Variants in TPD52 observed in about 807,000 individuals in gnomAD.
TPD52 encodes tumor protein D52.
Under a neutral mutation model 31.3 loss-of-function variants are expected in TPD52, and 17 were observed. The observed-to-expected ratio is 0.54, with a 90% confidence interval of 0.37 to 0.82. The LOEUF (loss-of-function observed/expected upper bound fraction) is 0.82. TPD52 is among the 40% of genes least tolerant of loss of function. The pLI, the probability that TPD52 is intolerant of heterozygous loss-of-function variation, is 0.00. For synonymous variants in TPD52, 83 were observed against 89.6 expected, an observed-to-expected ratio of 0.93 and a Z score of 0.42; for missense variants, 212 against 240.1, an observed-to-expected ratio of 0.88 and a Z score of 0.77.
chr8:80,058,696 G>T (rs1241157672), intron 2 of TPD52, among the ~76,000 whole-genome samples: 1 of 152,168 alleles, frequency 6.6e-6, no homozygotes, highest in African/African-American at 2.4e-5. Flanking sequence ...TACTCAGGAG[G>T]CTGAGGCAGG....
intron 1 of TPD52, among the ~76,000 whole-genome samples, chr8:80,124,530 G>A (rs1190308997): frequency 2.6e-5 from 4 of 152,128 alleles, no homozygotes; most frequent in African/African-American, 9.7e-5. Context: ...CATCAGTAGT[G>A]TGTATACGTA....
chr8:80,104,364 T>C (rs1806949963), intron 1 of TPD52, among the ~76,000 whole-genome samples: 1 of 152,202 alleles, frequency 6.6e-6, no homozygotes, highest in Non-Finnish European at 1.5e-5. Context: ...AAAAGCAATT[T>C]AGAATTTTAG....
chr8:80,079,210 G>A (rs1435972647), intron 1 of TPD52, among the ~76,000 whole-genome samples: 4 of 152,180 alleles, frequency 2.6e-5, no homozygotes, highest in African/African-American at 4.8e-5. Context: ...GTCTGAGGGG[G>A]GCCACTTGGG....
rs551561650 is a variant in TPD52 at position 80,150,118 on chromosome 8, C to T, written c.19+21307G>A. Among the ~76,000 whole-genome samples the T allele has an allele frequency of 2.6e-4, 40 of 152,318 alleles. No individual in the cohort carries two copies. The South Asian group carries it at 7.9e-3, about 30-fold the overall frequency. On this transcript the variant is annotated intron_variant, in intron 1 of 7. Coordinates refer to ENST00000518937, the MANE Select transcript of TPD52 (RefSeq NM_001025253.3). Reference sequence around the variant, plus strand: ...TGTGTGCAGCCTAGGGACTTGGTGTCCTGTGTCCCAGCTTCTCCAGTCATG... The same window carrying T: ...TGTGTGCAGCCTAGGGACTTGGTGTTCTGTGTCCCAGCTTCTCCAGTCATG...
At chr8:80,042,331 G>A (rs892098590) in intron 7 of TPD52, 19 of 985,296 alleles carry the variant, frequency 1.9e-5, no homozygotes, top group African/African-American at 1.0e-4. Flanking sequence ...ACCTACAAAG[G>A]TACTTGAAAT....
chr8:80,144,063 C>A (rs913185388), intron 1 of TPD52, among the ~76,000 whole-genome samples: 3 of 152,106 alleles, frequency 2.0e-5, no homozygotes, highest in Non-Finnish European at 2.9e-5. Context: ...TTTTATATGA[C>A]AAATTCTGTA....
chr8:80,115,056 T>G (rs1807768805), intron 1 of TPD52, among the ~76,000 whole-genome samples: 1 of 152,234 alleles, frequency 6.6e-6, no homozygotes, highest in Non-Finnish European at 1.5e-5. Context: ...AGTCAGACAA[T>G]GGAAGGGGCC....
At chr8:80,148,981 TA>T (rs1336534674) in intron 1 of TPD52, among the ~76,000 whole-genome samples, 1 of 152,194 alleles carries the variant, frequency 6.6e-6, no homozygotes, top group Non-Finnish European at 1.5e-5. Flanking sequence ...CTGTATCCAT[TA>T]AAAAGCTTAA....
rs1268934416 is a variant in TPD52 at position 80,053,383 on chromosome 8, C to G, written c.183G>C (p.Glu61Asp). ...QTLSQVLAAK[E>D]KHLAEIKRKL... is the part of the protein sequence containing the mutation. ...TCCGCTTGATCTCTGCTAGATGCTT[C>G]TCTTTTGCTGCTAACACTTGAGACA... Residue 61 changes from glutamate (E) to aspartate (D), a missense_variant, in exon 3 of 8, where the codon GAG becomes GAC. By Grantham distance (45) the Glu-to-Asp change is conservative. Transcript: ENST00000518937. 6.2e-7 allele frequency: 1 copy of G among 1,613,702 alleles called. No individual in the cohort carries two copies. The highest frequency in any genetic ancestry group is 1.7e-5 in the Admixed American group (1 of 59,988).
chr8:80,167,574 T>A (rs1207523912), intron 1 of TPD52, among the ~76,000 whole-genome samples: 1 of 152,204 alleles, frequency 6.6e-6, no homozygotes, highest in Non-Finnish European at 1.5e-5. Context: ...ATTAACAGCC[T>A]GGATGGGGTG....
intron 1 of TPD52, among the ~76,000 whole-genome samples, chr8:80,164,024 CAGAGAGAGAG>C (rs58566558): frequency 1.8e-5 from 2 of 110,312 alleles, no homozygotes; most frequent in East Asian, 4.2e-4. Flanking sequence ...GAGAGAGAGA[CAGAGAGAGAG>C]AGAGAGAGAG....
chr8:80,165,208 G>A (rs1811635324), intron 1 of TPD52, among the ~76,000 whole-genome samples: 1 of 152,190 alleles, frequency 6.6e-6, no homozygotes, highest in Non-Finnish European at 1.5e-5. Flanking sequence ...ATGGAAAAGT[G>A]TGGCAACATC....
chr8:80,156,259 A>C (rs1810967110), intron 1 of TPD52, among the ~76,000 whole-genome samples: 1 of 152,220 alleles, frequency 6.6e-6, no homozygotes, highest in African/African-American at 2.4e-5. Context: ...TCCAGCATGC[A>C]GACTCAGGGT....
Position 80,146,672 on chromosome 8 carries a change from T to C in TPD52, c.19+24753A>G, listed in dbSNP as rs373398398. ...ACAAAGATGTTCAATGCAGGATTTA[T>C]TTATAATAGTTAACAAAAAATACTG... On this transcript the variant is annotated intron_variant, in intron 1 of 7. Coordinates refer to ENST00000518937, the MANE Select transcript of TPD52 (RefSeq NM_001025253.3). Among the ~76,000 whole-genome samples, 5 of 152,220 alleles carry C rather than the reference T, an allele frequency of 3.3e-5. No homozygotes were observed. In the East Asian group the frequency reaches 5.8e-4, roughly 18 times the overall value.
At chr8:80,103,837 C>T (rs146973039) in intron 1 of TPD52, among the ~76,000 whole-genome samples, 123 of 152,308 alleles carry the variant, frequency 8.1e-4, no homozygotes, top group Non-Finnish European at 1.2e-3. Context: ...AAGCAAAAGA[C>T]CTCCACTAGG....
In TPD52 at chr8:80,153,168, A is replaced by T. The variant is rs538438891; in HGVS notation, c.19+18257T>A. Among the ~76,000 whole-genome samples the T allele has an allele frequency of 4.6e-5, 7 of 152,332 alleles. No individual in the cohort carries two copies. In the South Asian group the frequency reaches 1.5e-3, roughly 32 times the overall value. ...TCTCCACTAAGGTTATGTATAACTT[A>T]TGCAAAAAATGATAAAGAATTACTT... On this transcript the variant is annotated intron_variant, in intron 1 of 7. Coordinates refer to ENST00000518937, the MANE Select transcript of TPD52 (RefSeq NM_001025253.3).
At chr8:80,032,076 C>A (rs1809706057), downstream of TPD52, among the ~76,000 whole-genome samples, 1 of 150,252 alleles carries the variant, frequency 6.7e-6, no homozygotes, top group Non-Finnish European at 1.5e-5. Flanking sequence ...TCACTTGAAC[C>A]CAGGAGGTGG....
intron 1 of TPD52, among the ~76,000 whole-genome samples, chr8:80,157,271 T>TG (rs529670597): frequency 1.3e-3 from 183 of 145,090 alleles, no homozygotes; most frequent in Non-Finnish European, 2.0e-3. Flanking sequence ...TCTTGAAGGC[T>TG]AAAAAAAAAA....
At chr8:80,063,847 T>C (rs1243754562) in intron 2 of TPD52, among the ~76,000 whole-genome samples, 6 of 135,706 alleles carry the variant, frequency 4.4e-5, no homozygotes, top group Non-Finnish European at 6.1e-5. Context: ...ATGAATTTCA[T>C]GGAAGAAGTT....
Sources: gnomAD v4.1 joint callset for allele counts (sites outside exome capture counted in the v4.1 genomes callset) on GRCh38, gnomAD v4.1.1 for gene constraint, MANE v1.5 for transcripts, NCBI Gene and HGNC (gene_info 2026-07-23, HGNC 2026-07-21) for gene names.